ALDH1A2: variants seen among roughly 807,000 people sequenced by gnomAD.
ALDH1A2 encodes the protein aldehyde dehydrogenase 1 family member A2, also known as retinal dehydrogenase 2.
ALDH1A2 carries 27 observed loss-of-function variants against 60.3 expected under a neutral mutation model. That is an observed-to-expected ratio of 0.45 (90% CI 0.33 to 0.62). ALDH1A2 has a LOEUF of 0.62. Among genes scored for constraint, ALDH1A2 ranks in the 20% least tolerant of loss-of-function variants. ALDH1A2 has a pLI of 0.02. For synonymous variants in ALDH1A2, 289 were observed against 232.4 expected (o/e 1.24, Z -2.21); for missense variants, 581 against 643.8 (o/e 0.90, Z 1.06).
At chr15:58,048,389 A>G (rs1896686899) in intron 1 of ALDH1A2, among the ~76,000 whole-genome samples, 4 of 152,052 alleles carry the variant, frequency 2.6e-5, no homozygotes, top group African/African-American at 9.7e-5. Context: ...AGCTTCTCAC[A>G]TATCCATCTA....
intron 1 of ALDH1A2, among the ~76,000 whole-genome samples, chr15:58,064,846 C>G (rs35270169): frequency 9.3e-4 from 139 of 149,412 alleles, no homozygotes; most frequent in Middle Eastern, 6.8e-3. Flanking sequence ...CCCAAGATGT[C>G]AACGTTCGTT....
chr15:57,975,526 A>T (rs556224566), intron 7 of ALDH1A2, among the ~76,000 whole-genome samples: 1 of 152,336 alleles, frequency 6.6e-6, no homozygotes, highest in African/African-American at 2.4e-5. Context: ...AAAATGCTCC[A>T]ATGAGCCTTT....
intron 1 of ALDH1A2, among the ~76,000 whole-genome samples, chr15:58,025,330 T>C (rs1211830338): frequency 2.6e-5 from 4 of 151,878 alleles, no homozygotes; most frequent in Non-Finnish European, 4.4e-5. Flanking sequence ...AAAATCAGAA[T>C]TGAAAATTGA....
intron 4 of ALDH1A2, among the ~76,000 whole-genome samples, chr15:57,996,581 T>A (rs935432535): frequency 1.8e-4 from 27 of 151,812 alleles, no homozygotes; most frequent in African/African-American, 6.5e-4. Flanking sequence ...TAAACAATGT[T>A]ACTACTGTAA....
At chr15:57,980,402 C>T in intron 7 of ALDH1A2, 1 of 370,880 alleles carries the variant, frequency 2.7e-6, no homozygotes, top group Non-Finnish European at 5.4e-6. Flanking sequence ...CAGCTGGTGC[C>T]ACTTCTGCAT....
chr15:57,995,758 T>A lies in ALDH1A2; in HGVS notation c.494-619A>T, dbSNP rs150957939. On this transcript the variant is annotated intron_variant, in intron 4 of 12. Coordinates refer to ENST00000249750, the MANE Select transcript of ALDH1A2 (RefSeq NM_003888.4). ...TAATCCAAAGCGTCTGCCCCCAAAC[T>A]AGACATAGAAATGAGAATGTCCTAG... Among the ~76,000 whole-genome samples the A allele has an allele frequency of 1.7e-3, 251 of 152,054 alleles. 1 individual carries two copies. The highest frequency in any genetic ancestry group is 5.7e-3 in the African/African-American group (238 of 41,514).
At chr15:58,025,375 T>G (rs1896051682) in intron 1 of ALDH1A2, among the ~76,000 whole-genome samples, 1 of 152,116 alleles carries the variant, frequency 6.6e-6, no homozygotes, top group Admixed American at 6.6e-5. Flanking sequence ...CACAGTAATC[T>G]CTGAAGAACT....
At chr15:57,988,376 A>T (rs12595564) in intron 7 of ALDH1A2, among the ~76,000 whole-genome samples, 132,495 of 152,160 alleles carry the variant, frequency 0.87, 59,533 homozygotes, top group East Asian at 1. Context: ...ATCTAACTCA[A>T]CCAAAAGAAG....
chr15:57,990,857 A>C (rs370764771), intron 7 of ALDH1A2, among the ~76,000 whole-genome samples: 39 of 139,288 alleles, frequency 2.8e-4, no homozygotes, highest in African/African-American at 9.8e-4. Flanking sequence ...GCCTGGGCAA[A>C]AGAGTGAAAC....
Position 57,995,106 on chromosome 15 carries a change from G to T in ALDH1A2, c.527C>A (p.Pro176His). 2 of 1,611,794 alleles carry T rather than the reference G, an allele frequency of 1.2e-6. No homozygotes were observed. The highest frequency in any genetic ancestry group is 1.7e-6 in the Non-Finnish European group (2 of 1,178,952). Residue 176 changes from proline to histidine, a missense_variant, in exon 5 of 13, where the codon CCC (proline) becomes CAC (histidine). Pro to His is a moderately conservative substitution (Grantham distance 77, BLOSUM62 -2). Transcript: ENST00000249750. ...GDYFTFTRHE[P>H]IGVCGQIIPW... ...GATGATCTGTCCACACACTCCAATG[G>T]GTTCATGTCTTGTAAAGGTAAAATA...
chr15:57,968,941 A>G lies in ALDH1A2; in HGVS notation c.799-3114T>C, dbSNP rs143996168. Among the ~76,000 whole-genome samples, 15 of 152,370 alleles carry G rather than the reference A, an allele frequency of 9.8e-5. No individual in the cohort carries two copies. In the East Asian group the frequency reaches 1.9e-3, roughly 20 times the overall value. On this transcript the variant is annotated intron_variant, in intron 7 of 12. Transcript: ENST00000249750. ...CCTAAGAATAATTTTCCTTGCATCAATGCTTTACCAGCCTTTCCTTAGAAA... is the reference window on the plus strand; with the variant it reads ...CCTAAGAATAATTTTCCTTGCATCAGTGCTTTACCAGCCTTTCCTTAGAAA...
At chr15:58,039,880 CA>C (rs1204533298) in intron 1 of ALDH1A2, among the ~76,000 whole-genome samples, 2 of 151,696 alleles carry the variant, frequency 1.3e-5, no homozygotes, top group African/African-American at 4.8e-5. Context: ...CCTTTATTTG[CA>C]ATCATTTCTT....
At chr15:58,043,997 C>A (rs866600657) in intron 1 of ALDH1A2, among the ~76,000 whole-genome samples, 5 of 151,940 alleles carry the variant, frequency 3.3e-5, no homozygotes, top group Non-Finnish European at 5.9e-5. Flanking sequence ...CCACATACCC[C>A]GGATTTGTGG....
intron 8 of ALDH1A2, 99 bp from the exon 9 acceptor site, chr15:57,964,168 G>T: frequency 7.8e-7 from 1 of 1,281,658 alleles, no homozygotes; most frequent in Non-Finnish European, 1.1e-6. Context: ...GGTATAGTGT[G>T]CTCACTGCAT....
rs201056912 is a variant in ALDH1A2, at chr15:57,965,793, C to G, written c.833G>C (p.Ser278Thr). ...TTCCAGAGTTACTCTCTTCAAATTA[C>G]TTCTTCCAGCTGCTTCTTGGATAAG... ...GKLIQEAAGR[S>T]NLKRVTLELG... The change falls in exon 8 of 13, where the codon AGT (serine) becomes ACT (threonine). Residue 278 changes from serine to threonine, a missense_variant. Ser to Thr is a moderately conservative substitution (Grantham distance 58). Around this residue, in one of 2 missense-constraint regions of ALDH1A2, gnomAD observed 375 missense variants for 469.7 expected, o/e 0.80. Coordinates refer to ENST00000249750, the MANE Select transcript of ALDH1A2 (RefSeq NM_003888.4). 1.2e-6 allele frequency: 2 copies of G among 1,614,158 alleles called. No individual in the cohort carries two copies. Among genetic ancestry groups the G allele is most frequent in the Admixed American group, 1.7e-5 (1 of 60,020 alleles).
intron 3 of ALDH1A2, among the ~76,000 whole-genome samples, chr15:58,012,869 C>T (rs1895674295): frequency 6.6e-6 from 1 of 152,150 alleles, no homozygotes; most frequent in Admixed American, 6.6e-5. Context: ...GGATATAGTA[C>T]TCATGGCTTG....
At chr15:57,958,597 T>A (rs1454151651) in intron 12 of ALDH1A2, among the ~76,000 whole-genome samples, 3 of 152,044 alleles carry the variant, frequency 2.0e-5, no homozygotes, top group African/African-American at 7.2e-5. Context: ...CTGCTCCTCT[T>A]AGGGATAGAC....
At chr15:58,061,070 C>G (rs1897021372) in intron 1 of ALDH1A2, among the ~76,000 whole-genome samples, 1 of 152,144 alleles carries the variant, frequency 6.6e-6, no homozygotes, top group Non-Finnish European at 1.5e-5. Context: ...CAAAAACTAT[C>G]ATTCATCATT....
intron 7 of ALDH1A2, among the ~76,000 whole-genome samples, chr15:57,991,028 A>C (rs1234431081): frequency 2.6e-5 from 4 of 152,198 alleles, no homozygotes; most frequent in African/African-American, 9.6e-5. Flanking sequence ...AACTTTACTT[A>C]ATCATGGGTC....
Sources: gnomAD v4.1 joint callset for allele counts (sites outside exome capture counted in the v4.1 genomes callset) on GRCh38, gnomAD v4.1.1 for gene constraint, gnomAD v4.1.1 regional missense constraint, MANE v1.5 for transcripts, NCBI Gene and HGNC (gene_info 2026-07-23, HGNC 2026-07-21) for gene names.